CYFIP2: variants seen among roughly 807,000 people sequenced by gnomAD.
The protein encoded by CYFIP2 is cytoplasmic FMR1 interacting protein 2, also known as cytoplasmic FMR1-interacting protein 2.
Under a neutral mutation model 158.7 loss-of-function variants are expected in CYFIP2, and 29 were observed. The observed-to-expected ratio is 0.18, with a 90% CI of 0.14 to 0.25. The LOEUF is 0.25. Ranked by LOEUF, CYFIP2 falls within the 10% of genes least tolerant of loss-of-function variation. CYFIP2 has a pLI of 1.00. For missense variants in CYFIP2, 852 were observed against 1,639.5 expected (o/e 0.52, Z 8.29); for synonymous variants, 585 against 617.6 (o/e 0.95, Z 0.78).
chr5:157,345,637 T>C (rs947503325), intron 23 of CYFIP2: 10 of 152,714 alleles, frequency 6.5e-5, no homozygotes, highest in African/African-American at 2.4e-4. Flanking sequence ...TGCTCTGGGC[T>C]TTCCGTGTTG....
chr5:157,318,777 T>C (rs1760355901), intron 13 of CYFIP2, among the ~76,000 whole-genome samples: 6 of 152,126 alleles, frequency 3.9e-5, no homozygotes, highest in Admixed American at 3.9e-4. Flanking sequence ...AACATGCCAT[T>C]ATGGGTGTGA....
At position 157,377,811 on chromosome 5, in the gene CYFIP2, G is replaced by A. The variant is rs1031306552; in HGVS notation, c.3040-4779G>A. 4.6e-5 allele frequency among the ~76,000 whole-genome samples: 7 copies of A among 152,172 alleles called. No homozygotes were observed. The South Asian group carries it at 1.2e-3, about 27-fold the overall frequency. On this transcript the variant is annotated intron_variant, in intron 26 of 30. Transcript: ENST00000620254. ...ATCATGCCAATGAGAAAAATATAGA[G>A]AACGTGCAGGTCCTGCACATGGGTT...
At position 157,337,936 on chromosome 5, in the gene CYFIP2, T is replaced by C. The variant is rs1014934018; in HGVS notation, c.2386-1121T>C. ...ATTCACATCCTAAGGCCTCTTATGG[T>C]GACCTTGGGCAAGTTACTTAACCTT... On this transcript the variant is annotated intron_variant, in intron 21 of 30. Coordinates refer to ENST00000620254, the MANE Select transcript of CYFIP2 (RefSeq NM_001037333.3). Among the ~76,000 whole-genome samples, 48 of 152,218 alleles carry C rather than the reference T, an allele frequency of 3.2e-4. 1 individual carries two copies. The highest frequency in any genetic ancestry group is 1.0e-4 in the Non-Finnish European group (7 of 68,038).
At chr5:157,302,931 G>T in intron 7 of CYFIP2, 41 bp downstream of exon 7, 1 of 1,512,608 alleles carries the variant, frequency 6.6e-7, no homozygotes, top group Non-Finnish European at 9.0e-7. Flanking sequence ...TGATGTCTCG[G>T]GGTTATAGGC....
intron 21 of CYFIP2, 100 bp downstream of exon 21, chr5:157,333,546 GGGGC>G: frequency 2.0e-6 from 3 of 1,509,690 alleles, no homozygotes; most frequent in African/African-American, 1.4e-5. Flanking sequence ...CAGTTAAAGA[GGGGC>G]AGTGAGTCTC....
At chr5:157,353,876 A>AT (rs1455481787) in intron 23 of CYFIP2, among the ~76,000 whole-genome samples, 4 of 152,242 alleles carry the variant, frequency 2.6e-5, no homozygotes. Context: ...TTGCTTACAA[A>AT]TTCAGTTTAC....
At chr5:157,306,562 T>G (rs758931141) in intron 8 of CYFIP2, among the ~76,000 whole-genome samples, 7 of 152,176 alleles carry the variant, frequency 4.6e-5, no homozygotes, top group Non-Finnish European at 5.9e-5. Context: ...TCTGCTCTTA[T>G]GCAGAAAACG....
intron 1 of CYFIP2, chr5:157,277,295 T>C (rs1193352786): frequency 6.6e-6 from 1 of 152,310 alleles, no homozygotes; most frequent in Non-Finnish European, 1.5e-5. Context: ...CCTCCCAAAG[T>C]GTTGGGGTTA....
chr5:157,280,729 A>G (rs1756931997), intron 1 of CYFIP2, among the ~76,000 whole-genome samples: 1 of 151,932 alleles, frequency 6.6e-6, no homozygotes, highest in Non-Finnish European at 1.5e-5. Flanking sequence ...CTCACTGCGA[A>G]TTTGTTTCAT....
intron 26 of CYFIP2, chr5:157,363,204 C>T (rs1051610712): frequency 6.6e-6 from 1 of 152,230 alleles, no homozygotes; most frequent in African/African-American, 2.4e-5. Context: ...TCGGCCCAGT[C>T]CTACAGGTGT....
chr5:157,357,109 C>T (rs2113342875), intron 23 of CYFIP2, among the ~76,000 whole-genome samples: 1 of 152,302 alleles, frequency 6.6e-6, no homozygotes, highest in East Asian at 1.9e-4. Flanking sequence ...CGTTCCAGGC[C>T]TCCCAATATC....
rs1368106414 is a variant in CYFIP2, at chr5:157,323,060, G to C, written c.1672-861G>C. The C allele has an allele frequency of 2.0e-6, 3 of 1,520,472 alleles. No individual in the cohort carries two copies. In the African/African-American group the frequency reaches 4.1e-5, roughly 21 times the overall value. 94.2% of individuals were successfully genotyped at this position (1,520,472 alleles called of 1,614,324 possible). A position where few individuals can be genotyped will look rare whatever the true frequency, so the allele number is the denominator to read the frequency against. Reference sequence around the variant, plus strand: ...GGGTTGGTTTGGGTACCCTTCTCGAGGAGGCAGCAGGAATGGACTAGCCTG... The same window carrying C: ...GGGTTGGTTTGGGTACCCTTCTCGACGAGGCAGCAGGAATGGACTAGCCTG... On this transcript the variant is annotated intron_variant, in intron 15 of 30. Coordinates refer to ENST00000620254, the MANE Select transcript of CYFIP2 (RefSeq NM_001037333.3).
In CYFIP2 at chr5:157,296,744, C is replaced by A. The variant is rs1758286096; in HGVS notation, c.357C>A (p.Val119=). The A allele has an allele frequency of 6.2e-7, 1 of 1,613,588 alleles. No homozygotes were observed. The highest frequency in any genetic ancestry group is 8.5e-7 in the Non-Finnish European group (1 of 1,179,734). The change falls in exon 5 of 31, where the codon GTC becomes GTA. Residue 119 remains valine, a synonymous_variant. Transcript: ENST00000620254. ...EKTVEVLEPE[V]TKLMKFMYFQ... is the part of the protein sequence containing the mutation. ...CAGTAGAGGTGCTGGAGCCGGAGGTCACCAAGCTCATGAAGTTCATGTATT... is the reference window on the plus strand; with the variant it reads ...CAGTAGAGGTGCTGGAGCCGGAGGTAACCAAGCTCATGAAGTTCATGTATT...
chr5:157,304,308 T>C lies in CYFIP2; in HGVS notation c.737T>C (p.Val246Ala). The C allele has an allele frequency of 6.2e-7, 1 of 1,614,018 alleles. No homozygotes were observed. ...ELLADIVNIC[V>A]DYYENKMYLT... ...CTGGCTGACATTGTCAACATCTGTG[T>C]GGATTACTACGAGAACAAGATGTAC... The change falls in exon 8 of 31, where the codon GTG (valine) becomes GCG (alanine). Residue 246 changes from valine to alanine, a missense_variant. This residue lies in a region of CYFIP2 where 133 missense variants were observed against 197.1 expected (regional missense o/e 0.67). Coordinates refer to ENST00000620254, the MANE Select transcript of CYFIP2 (RefSeq NM_001037333.3).
intron 26 of CYFIP2, among the ~76,000 whole-genome samples, chr5:157,366,306 TATACTATGG>T (rs1281783029): frequency 6.6e-6 from 1 of 152,264 alleles, no homozygotes; most frequent in African/African-American, 2.4e-5. Flanking sequence ...GTGGCCATTA[TATACTATGG>T]ATACATGTAT....
chr5:157,369,879 G>GTTTTTTT (rs1554120265), intron 26 of CYFIP2, among the ~76,000 whole-genome samples: 3 of 103,302 alleles, frequency 2.9e-5, no homozygotes, highest in African/African-American at 8.1e-5. Flanking sequence ...AATGGACCTA[G>GTTTTTTT]TTTTTTTTTT....
At chr5:157,308,812 A>G (rs1006385768) in intron 9 of CYFIP2, among the ~76,000 whole-genome samples, 2 of 152,200 alleles carry the variant, frequency 1.3e-5, no homozygotes, top group African/African-American at 4.8e-5. Context: ...AATCTTCCCT[A>G]AGTCAGCATG....
intron 23 of CYFIP2, among the ~76,000 whole-genome samples, chr5:157,349,481 T>C (rs1255381751): frequency 6.6e-6 from 1 of 152,262 alleles, no homozygotes; most frequent in Non-Finnish European, 1.5e-5. Flanking sequence ...TAGTATTCCA[T>C]GATGTATACA....
intron 15 of CYFIP2, among the ~76,000 whole-genome samples, chr5:157,321,030 C>T (rs1249617144): frequency 6.6e-6 from 1 of 152,218 alleles, no homozygotes. Context: ...CCTGTGTGAC[C>T]TCGGGCACTT....
Sources: gnomAD v4.1 joint callset for allele counts (sites outside exome capture counted in the v4.1 genomes callset) on GRCh38, gnomAD v4.1.1 for gene constraint, gnomAD v4.1.1 regional missense constraint, MANE v1.5 for transcripts, NCBI Gene and HGNC (gene_info 2026-07-23, HGNC 2026-07-21) for gene names.